Variants in TBL1X observed in about 807,000 individuals in gnomAD.
TBL1X encodes F-box-like/WD repeat-containing protein TBL1X.
In TBL1X, 10 loss-of-function variants were observed where a neutral mutation model predicts 50.7. The ratio of observed to expected loss-of-function variants is 0.20; its 90% confidence interval spans 0.12 to 0.33. The LOEUF is 0.33. Among genes scored for constraint, TBL1X ranks in the 10% least tolerant of loss-of-function variants. The pLI is 1.00. For missense variants in TBL1X, 340 were observed against 504.4 expected, an observed-to-expected ratio of 0.67 and a Z score of 3.12; for synonymous variants, 190 against 214.7, an observed-to-expected ratio of 0.88 and a Z score of 1.01.
At chrX:9,559,906 T>A (rs1174427426) in intron 2 of TBL1X, among the ~76,000 whole-genome samples, 1 of 112,404 alleles carries the variant, frequency 8.9e-6, no homozygotes, top group African/African-American at 3.2e-5. Context: ...ATCTGCAGCC[T>A]TTTTTGTCAT....
intron 2 of TBL1X, among the ~76,000 whole-genome samples, chrX:9,506,292 A>G (rs899938393): frequency 1.8e-5 from 2 of 111,838 alleles, no homozygotes; most frequent in Non-Finnish European, 1.9e-5. Context: ...TCTGGGACAC[A>G]GCTAAAGCAG....
At chrX:9,669,739 C>T (rs73478858) in intron 5 of TBL1X, among the ~76,000 whole-genome samples, 1,659 of 111,353 alleles carry the variant, frequency 0.015, 29 homozygotes, top group African/African-American at 0.051. Context: ...TCTGCAGCTA[C>T]ACCCACTATG....
At chrX:9,514,754 GCCCTTAC>G (rs2082073597) in intron 2 of TBL1X, among the ~76,000 whole-genome samples, 1 of 43,494 alleles carries the variant, frequency 2.3e-5, no homozygotes, top group Admixed American at 4.0e-4. Context: ...TAGCCTTGGA[GCCCTTAC>G]TTGGATTTCA....
rs2082881209 is a variant in TBL1X at position 9,659,008 on chromosome X, A to G, written c.211+4686A>G. ...TTATTTTCTGTTTTATTTTATTTGT[A>G]GAGACAGGGTCTCACTGTGTTGCCC... On this transcript the variant is annotated intron_variant, in intron 5 of 17. Transcript: ENST00000645353. 2.7e-5 allele frequency among the ~76,000 whole-genome samples: 3 copies of G among 111,698 alleles called. No individual in the cohort carries two copies. In the South Asian group the frequency reaches 1.1e-3, roughly 42 times the overall value.
chrX:9,480,019 C>T (rs1294185685), intron 1 of TBL1X, among the ~76,000 whole-genome samples: 1 of 107,526 alleles, frequency 9.3e-6, no homozygotes, highest in Admixed American at 1.0e-4. Context: ...GGCATGATCT[C>T]GGCTCACCGC....
chrX:9,509,887 G>C (rs963040758), intron 2 of TBL1X, among the ~76,000 whole-genome samples: 1 of 111,022 alleles, frequency 9.0e-6, no homozygotes, highest in African/African-American at 3.3e-5. Context: ...TGTGTTGACT[G>C]TACTGTTGGC....
At chrX:9,622,659 C>G (rs1042190351) in intron 2 of TBL1X, among the ~76,000 whole-genome samples, 1 of 110,773 alleles carries the variant, frequency 9.0e-6, no homozygotes, top group South Asian at 3.8e-4. Flanking sequence ...TTGTTTGTTT[C>G]TTTGTTTGTT....
At position 9,498,389 on chromosome X, in the gene TBL1X, C is replaced by T. The variant is rs141175083; in HGVS notation, c.-200-3391C>T. Among the ~76,000 whole-genome samples the T allele has an allele frequency of 4.2e-3, 467 of 112,305 alleles. 1 individual carries two copies. Among genetic ancestry groups the T allele is most frequent in the Non-Finnish European group, 5.8e-3 (311 of 53,231 alleles). On this transcript the variant is annotated intron_variant, in intron 1 of 17. Transcript: ENST00000645353. ...GCTGGAAAGAGGGTTTTTAGGCCTG[C>T]GTTTGAGCTTGCCCTGAATGAATAA...
chrX:9,564,780 G>T (rs914096949), intron 2 of TBL1X, among the ~76,000 whole-genome samples: 21 of 109,511 alleles, frequency 1.9e-4, no homozygotes, highest in African/African-American at 6.0e-4. Context: ...TAGTGTATTG[G>T]TCGAAGGTGG....
At chrX:9,586,700 A>G (rs1215619425) in intron 2 of TBL1X, among the ~76,000 whole-genome samples, 1 of 112,029 alleles carries the variant, frequency 8.9e-6, no homozygotes, top group African/African-American at 3.2e-5. Context: ...CAGGAATTCA[A>G]GACCAGCCTG....
At chrX:9,673,165 C>T (rs1036099783) in intron 5 of TBL1X, among the ~76,000 whole-genome samples, 3 of 112,318 alleles carry the variant, frequency 2.7e-5, no homozygotes, top group Admixed American at 9.4e-5. Flanking sequence ...TTTAGAAGGG[C>T]GGAGAGAAGC....
intron 5 of TBL1X, among the ~76,000 whole-genome samples, chrX:9,677,284 T>TG (rs1282076967): frequency 9.0e-6 from 1 of 111,192 alleles, no homozygotes; most frequent in Non-Finnish European, 1.9e-5. Context: ...ATAAGGAGGT[T>TG]GGAAAACTGT....
At chrX:9,548,111 G>A (rs1205974549) in intron 2 of TBL1X, among the ~76,000 whole-genome samples, 1 of 108,982 alleles carries the variant, frequency 9.2e-6, no homozygotes, top group African/African-American at 3.3e-5. Context: ...CTCACTGTGG[G>A]TGTACAGACA....
chrX:9,715,028 G>T, intron 17 of TBL1X, 25 bp downstream of exon 17: 1 of 1,187,485 alleles, frequency 8.4e-7, no homozygotes, highest in Non-Finnish European at 1.1e-6. Context: ...TGGTTTGCTG[G>T]GGAGTGGGGT....
At chrX:9,582,918 A>G (rs1290778402) in intron 2 of TBL1X, among the ~76,000 whole-genome samples, 3 of 112,237 alleles carry the variant, frequency 2.7e-5, no homozygotes, top group Non-Finnish European at 5.6e-5. Flanking sequence ...TCGTCCCCTC[A>G]CTGTTTTCTC....
chrX:9,644,523 C>T (rs2082792160), intron 3 of TBL1X, among the ~76,000 whole-genome samples: 1 of 112,113 alleles, frequency 8.9e-6, no homozygotes, highest in Non-Finnish European at 1.9e-5. Flanking sequence ...TTCCTGTCAC[C>T]ATAGCATCTG....
At chrX:9,481,914 A>G (rs1176962772) in intron 1 of TBL1X, among the ~76,000 whole-genome samples, 1 of 112,488 alleles carries the variant, frequency 8.9e-6, no homozygotes, top group Non-Finnish European at 1.9e-5. Context: ...GACCTTATGC[A>G]AACACTCGGG....
chrX:9,502,663 A>G (rs2082007161), intron 2 of TBL1X, among the ~76,000 whole-genome samples: 2 of 112,812 alleles, frequency 1.8e-5, no homozygotes, highest in African/African-American at 3.2e-5. Context: ...GTAAACACAT[A>G]GTAAGTTCCT....
intron 1 of TBL1X, among the ~76,000 whole-genome samples, chrX:9,493,156 A>T (rs748445444): frequency 9.0e-6 from 1 of 110,595 alleles, no homozygotes; most frequent in African/African-American, 3.3e-5. Context: ...TGCTCAATGG[A>T]GGTGATGTTT....
Sources: gnomAD v4.1 joint callset for allele counts (sites outside exome capture counted in the v4.1 genomes callset) on GRCh38, gnomAD v4.1.1 for gene constraint, MANE v1.5 for transcripts, NCBI Gene and HGNC (gene_info 2026-07-23, HGNC 2026-07-21) for gene names.